Variants in MRTFB observed in about 807,000 individuals in gnomAD.
MRTFB encodes myocardin-related transcription factor B.
Under a neutral mutation model 104.2 loss-of-function variants are expected in MRTFB, and 29 were observed. The observed-to-expected ratio is 0.28, with a 90% CI of 0.21 to 0.38. MRTFB has a LOEUF of 0.38. Ranked by LOEUF, MRTFB falls within the 10% of genes least tolerant of loss-of-function variation. MRTFB has a pLI of 1.00. For synonymous variants in MRTFB, 535 were observed against 519.5 expected (o/e 1.03, Z -0.41); for missense variants, 1,270 against 1,341.6 (o/e 0.95, Z 0.83).
upstream of MRTFB, among the ~76,000 whole-genome samples, chr16:14,068,753 G>C (rs1235583025): frequency 6.6e-6 from 1 of 152,150 alleles, no homozygotes; most frequent in Non-Finnish European, 1.5e-5. Context: ...CAGATGGCTG[G>C]TAGAGCATTA....
the MRTFB span, among the ~76,000 whole-genome samples, chr16:14,050,550 T>A: frequency 1.3e-5 from 2 of 152,070 alleles, no homozygotes; most frequent in African/African-American, 2.4e-5. Context: ...CCCAGGAGTT[T>A]GAGTCCAGCT....
chr16:14,053,459 A>G, the MRTFB span, among the ~76,000 whole-genome samples: 1 of 152,248 alleles, frequency 6.6e-6, no homozygotes, highest in Admixed American at 6.5e-5. Flanking sequence ...TAGGCTGGGC[A>G]CAGTGGCTCA....
At chr16:14,200,625 G>T in intron 3 of MRTFB, 1 of 1,581,670 alleles carries the variant, frequency 6.3e-7, no homozygotes, top group Non-Finnish European at 8.7e-7. Context: ...GTTGGCCTAC[G>T]TTGGTGGAAT....
At chr16:13,995,080 T>C in the MRTFB span, among the ~76,000 whole-genome samples, 1 of 152,218 alleles carries the variant, frequency 6.6e-6, no homozygotes, top group Non-Finnish European at 1.5e-5. Context: ...CTGTAAACTC[T>C]TTGTCATCCA....
At chr16:14,029,927 G>A in the MRTFB span, among the ~76,000 whole-genome samples, 1 of 151,822 alleles carries the variant, frequency 6.6e-6, no homozygotes, top group African/African-American at 2.4e-5. Flanking sequence ...AGGCTGAGTG[G>A]TTTTGTCAGG....
chr16:14,017,957 A>G, the MRTFB span, among the ~76,000 whole-genome samples: 1 of 151,618 alleles, frequency 6.6e-6, no homozygotes, highest in South Asian at 2.1e-4. Context: ...CAAGGCCCCA[A>G]GCAATCCTCC....
At chr16:14,033,835 C>CAAA in the MRTFB span, among the ~76,000 whole-genome samples, 20 of 90,294 alleles carry the variant, frequency 2.2e-4, no homozygotes, top group African/African-American at 5.0e-4. Flanking sequence ...GACTCAGTCT[C>CAAA]AAAAAAAAAA....
chr16:14,069,647 A>G (rs546831642), upstream of MRTFB, among the ~76,000 whole-genome samples: 2 of 152,178 alleles, frequency 1.3e-5, no homozygotes, highest in African/African-American at 2.4e-5. Context: ...ACCATGCCCA[A>G]TTCTTTTTAT....
rs2042978860 is a variant in MRTFB at position 14,245,628 on chromosome 16, G to A, written c.1180G>A (p.Gly394Arg). The A allele has an allele frequency of 4.3e-6, 7 of 1,613,934 alleles. No individual in the cohort carries two copies. Among genetic ancestry groups the A allele is most frequent in the Non-Finnish European group, 5.9e-6 (7 of 1,179,940 alleles). The change falls in exon 11 of 17, where the codon GGA (glycine) becomes AGA (arginine). Residue 394 changes from glycine to arginine, a missense_variant. Physicochemically the swap from Gly to Arg is moderately radical, Grantham distance 125. Around this residue, in one of 3 missense-constraint regions of MRTFB, gnomAD observed 1,144 missense variants for 1,131.5 expected, o/e 1.01. Transcript: ENST00000571589. ...TACATCTACTCCTGTGAGAAAGCCA[G>A]GACCTCTGCCTTCTAGCCTGGATGA... ...QNTSTPVRKPGPLPSSLDDLK... is the reference protein window; with the variant it reads ...QNTSTPVRKPRPLPSSLDDLK...
Position 14,228,263 on chromosome 16 carries a change from C to A in MRTFB, c.694-5883C>A, listed in dbSNP as rs533872240. Among the ~76,000 whole-genome samples the A allele has an allele frequency of 2.6e-5, 4 of 152,284 alleles. No individual in the cohort carries two copies. The South Asian group carries it at 8.3e-4, about 32-fold the overall frequency. On this transcript the variant is annotated intron_variant, in intron 8 of 16. Transcript: ENST00000571589. ...AGAATTGCCAAATGAACCAGCAATT[C>A]CACTTCTGGGTATATGCCCAAAAGA... is the stretch of plus-strand genomic sequence containing the variant.
intron 2 of MRTFB, among the ~76,000 whole-genome samples, chr16:14,107,626 C>A (rs1238479547): frequency 2.0e-5 from 3 of 152,142 alleles, no homozygotes; most frequent in Admixed American, 6.5e-5. Context: ...GTTCAAGAAC[C>A]AATTCTGCAT....
chr16:14,095,885 A>G (rs941940106), intron 2 of MRTFB, among the ~76,000 whole-genome samples: 6 of 151,622 alleles, frequency 4.0e-5, no homozygotes, highest in Non-Finnish European at 7.3e-5. Context: ...TGAATGCACT[A>G]TTTACAACAG....
chr16:14,020,212 C>T, the MRTFB span: 1 of 152,222 alleles, frequency 6.6e-6, no homozygotes, highest in Non-Finnish European at 1.5e-5. Context: ...CTGGGTCAAA[C>T]ACTCTGCCTC....
At chr16:14,190,678 C>T (rs1230747864) in intron 3 of MRTFB, among the ~76,000 whole-genome samples, 1 of 152,286 alleles carries the variant, frequency 6.6e-6, no homozygotes, top group Non-Finnish European at 1.5e-5. Context: ...TAAAACTGCC[C>T]TAACAGACAA....
the MRTFB span, among the ~76,000 whole-genome samples, chr16:14,039,778 T>A: frequency 6.7e-6 from 1 of 148,350 alleles, no homozygotes; most frequent in East Asian, 2.0e-4. Flanking sequence ...TTTTTTTTTT[T>A]TATCTTTTTG....
At chr16:14,010,146 C>G in the MRTFB span, among the ~76,000 whole-genome samples, 1 of 152,128 alleles carries the variant, frequency 6.6e-6, no homozygotes, top group Non-Finnish European at 1.5e-5. Flanking sequence ...GGGTAGGATG[C>G]TGCCAGGGAA....
the MRTFB span, among the ~76,000 whole-genome samples, chr16:14,016,806 G>T: frequency 1.1e-5 from 1 of 89,922 alleles, no homozygotes; most frequent in Non-Finnish European, 2.7e-5. Flanking sequence ...AAAAGACCCT[G>T]ACCTATTCCC....
chr16:14,033,898 G>A, the MRTFB span, among the ~76,000 whole-genome samples: 8 of 151,936 alleles, frequency 5.3e-5, no homozygotes, highest in African/African-American at 1.7e-4. Flanking sequence ...AAAACTGTGT[G>A]GTGAGTGTGG....
rs764904172 is a variant in MRTFB, at chr16:14,252,436, A to C, written c.2637A>C (p.Thr879=). Residue 879 remains threonine (T), a synonymous_variant, in exon 15 of 17, where the codon ACA becomes ACC. Transcript: ENST00000571589. ...HSLFGSPVAK[T]KDPPRYEEAI... ...TATTTGGGAGTCCAGTCGCCAAGAC[A>C]AAAGATCCCCCCCGCTATGAGGAGG... The C allele has an allele frequency of 1.9e-5, 31 of 1,613,672 alleles. No homozygotes were observed. The highest frequency in any genetic ancestry group is 2.2e-5 in the Non-Finnish European group (26 of 1,179,960).
Sources: allele counts gnomAD v4.1 joint callset (sites outside exome capture counted in the v4.1 genomes callset), GRCh38; gene constraint gnomAD v4.1.1; regional missense constraint gnomAD v4.1.1; transcripts MANE v1.5; gene names NCBI Gene and HGNC (gene_info 2026-07-23, HGNC 2026-07-21).